The following RTKN2 variants were observed in gnomAD, a reference collection of about 807,000 sequenced individuals.
RTKN2 encodes the protein rhotekin 2, also known as rhotekin-2.
A neutral mutation model predicts 71.5 loss-of-function variants in RTKN2; 69 were observed. The ratio of observed to expected loss-of-function variants is 0.96; its 90% CI spans 0.79 to 1.18. RTKN2 has a LOEUF of 1.18. Among genes scored for constraint, RTKN2 ranks in the 50% most tolerant of loss-of-function variants. RTKN2 has a pLI of 0.00. For synonymous variants in RTKN2, 236 were observed against 236.5 expected, an observed-to-expected ratio of 1.00 and a Z score of 0.02; for missense variants, 724 against 719.7, an observed-to-expected ratio of 1.01 and a Z score of -0.07.
chr10:62,189,152 C>T (rs1395388034), downstream of RTKN2, among the ~76,000 whole-genome samples: 1 of 147,948 alleles, frequency 6.8e-6, no homozygotes, highest in Non-Finnish European at 1.5e-5. Context: ...ATTACCAATG[C>T]TTTGGGCTAG....
chr10:62,220,230 A>G (rs367546909), intron 7 of RTKN2, among the ~76,000 whole-genome samples: 2 of 152,232 alleles, frequency 1.3e-5, no homozygotes, highest in African/African-American at 4.8e-5. Flanking sequence ...CAATGTTCTG[A>G]GACTATTCAA....
chr10:62,243,247 C>A lies in RTKN2; in HGVS notation c.317-2052G>T, dbSNP rs372027271. 1.7e-3 allele frequency among the ~76,000 whole-genome samples: 251 copies of A among 149,788 alleles called. 8 individuals are homozygous for A. The South Asian group carries it at 0.053, about 31-fold the overall frequency. On this transcript the variant is annotated intron_variant, in intron 3 of 11. Transcript: ENST00000373789. ...ATTTTCAATAGTTTCATCTTTTATT[C>A]TTATTATTTTAGCTAGAACTTCTAA...
intron 7 of RTKN2, among the ~76,000 whole-genome samples, chr10:62,221,565 G>T (rs74726691): frequency 7.1e-6 from 1 of 140,858 alleles, no homozygotes; most frequent in Non-Finnish European, 1.5e-5. Context: ...ACAGTTTGAG[G>T]TAAAAGAAGA....
At chr10:62,190,727 G>A (rs1269547302), downstream of RTKN2, among the ~76,000 whole-genome samples, 1 of 152,066 alleles carries the variant, frequency 6.6e-6, no homozygotes, top group Non-Finnish European at 1.5e-5. Flanking sequence ...GGTAGCCAGG[G>A]GCTGAGTGCT....
rs1841320137 is a variant in RTKN2, at chr10:62,195,840, T to C, written c.*2068A>G. The C allele has an allele frequency of 2.0e-6, 2 of 985,450 alleles. No homozygotes were observed. The highest frequency in any genetic ancestry group is 2.4e-6 in the Non-Finnish European group (2 of 829,990). The allele number at this position is 985,450 out of a possible 1,614,324, so 61.0% of individuals were successfully genotyped here. On this transcript the variant is annotated 3_prime_UTR_variant, in exon 12 of 12. Transcript: ENST00000373789. ...AGGGGGTGGTGGTCCTTGCTCAGGC[T>C]TTTAAATGGTTCTAGGTAAAAAGGG...
At position 62,268,654 on chromosome 10, in the gene RTKN2, A is replaced by G. The variant is rs749728479; in HGVS notation, c.-44T>C. ...GGGCCGTCGCCACTCCTTCAAAGGGAAGATTTGAAAAGCCCGCCCCTGGCA... is the reference window on the plus strand; with the variant it reads ...GGGCCGTCGCCACTCCTTCAAAGGGGAGATTTGAAAAGCCCGCCCCTGGCA... On this transcript the variant is annotated 5_prime_UTR_variant, in exon 1 of 12. Coordinates refer to ENST00000373789, the MANE Select transcript of RTKN2 (RefSeq NM_145307.4). The G allele has an allele frequency of 6.5e-7, 1 of 1,533,028 alleles. No homozygotes were observed. The highest frequency in any genetic ancestry group is 8.8e-7 in the Non-Finnish European group (1 of 1,133,958). 95.0% of individuals were successfully genotyped at this position (1,533,028 alleles called of 1,614,324 possible). A position where few individuals can be genotyped will look rare whatever the true frequency, so the allele number is the denominator to read the frequency against.
At chr10:62,266,832 TG>T (rs1842877391) in intron 1 of RTKN2, among the ~76,000 whole-genome samples, 1 of 152,168 alleles carries the variant, frequency 6.6e-6, no homozygotes, top group South Asian at 2.1e-4. Flanking sequence ...GCTACAACGG[TG>T]GAAACTGAAA....
At chr10:62,185,464 A>C (rs1841119534) in intron 8 of RTKN2, among the ~76,000 whole-genome samples, 1 of 152,088 alleles carries the variant, frequency 6.6e-6, no homozygotes, top group East Asian at 1.9e-4. Context: ...AAAAATACAA[A>C]AATTAGCTGG....
Position 62,224,819 on chromosome 10 carries a change from T to C in RTKN2, c.687-1487A>G, listed in dbSNP as rs1244106091. On this transcript the variant is annotated intron_variant, in intron 6 of 11. Transcript: ENST00000373789. ...GAGTGAGTATCTGCAAAGGGAGGGC[T>C]GAAGGAAAACCAGTGTGGCTAGTGC... Among the ~76,000 whole-genome samples the C allele has an allele frequency of 2.6e-5, 4 of 151,986 alleles. No individual in the cohort carries two copies. The East Asian group carries it at 7.8e-4, about 30-fold the overall frequency.
At position 62,268,616 on chromosome 10, in the gene RTKN2, A is replaced by G. The variant is rs779957679; in HGVS notation, c.-6T>C. 7.0e-6 allele frequency: 11 copies of G among 1,560,336 alleles called. No homozygotes were observed. Among genetic ancestry groups the G allele is most frequent in the South Asian group, 5.9e-5 (5 of 84,646 alleles). On this transcript the variant is annotated 5_prime_UTR_variant, in exon 1 of 12. Coordinates refer to ENST00000373789, the MANE Select transcript of RTKN2 (RefSeq NM_145307.4). Reference sequence around the variant, plus strand: ...CTCAGGCTCGGCCCCTCCATCTCCAACGCGAACTGTCCGGGCCGTCGCCAC... The same window carrying G: ...CTCAGGCTCGGCCCCTCCATCTCCAGCGCGAACTGTCCGGGCCGTCGCCAC...
In RTKN2 at chr10:62,236,009, T is replaced by C. The variant is rs1250520769; in HGVS notation, c.686+57A>G. 5 of 1,260,144 alleles carry C rather than the reference T, an allele frequency of 4.0e-6. No individual in the cohort carries two copies. The African/African-American group carries it at 7.5e-5, about 19-fold the overall frequency. The allele number at this position is 1,260,144 out of a possible 1,614,324, so 78.1% of individuals were successfully genotyped here. ...TAAACATACACTTCACATATAATAC[T>C]TTAAAATATCACAAATGTATAATTA... is the stretch of plus-strand genomic sequence containing the variant. On this transcript the variant is annotated intron_variant, in intron 6 of 11. Coordinates refer to ENST00000373789, the MANE Select transcript of RTKN2 (RefSeq NM_145307.4).
chr10:62,245,890 G>T (rs547541753), intron 3 of RTKN2, 109 bp downstream of exon 3: 7 of 670,738 alleles, frequency 1.0e-5, no homozygotes, highest in African/African-American at 1.8e-5. Flanking sequence ...TCTGATAGAG[G>T]TATGAAAAAC....
intron 6 of RTKN2, among the ~76,000 whole-genome samples, chr10:62,223,627 T>C (rs1042980823): frequency 1.3e-5 from 2 of 152,080 alleles, no homozygotes; most frequent in Non-Finnish European, 2.9e-5. Context: ...CAATGAGATA[T>C]CAGTTCACAC....
At chr10:62,244,466 A>G (rs1842440393) in intron 3 of RTKN2, among the ~76,000 whole-genome samples, 1 of 152,182 alleles carries the variant, frequency 6.6e-6, no homozygotes, top group Non-Finnish European at 1.5e-5. Context: ...AATATTATGA[A>G]TTGCTACAAT....
At chr10:62,198,786 A>T (rs1260263032) in intron 11 of RTKN2, among the ~76,000 whole-genome samples, 1 of 152,158 alleles carries the variant, frequency 6.6e-6, no homozygotes, top group Non-Finnish European at 1.5e-5. Flanking sequence ...GTTTTCTAAA[A>T]AATTCTATAG....
At chr10:62,204,811 T>C (rs1411725916) in intron 10 of RTKN2, 46 bp downstream of exon 10, 4 of 1,400,658 alleles carry the variant, frequency 2.9e-6, no homozygotes, top group Non-Finnish European at 2.9e-6. Context: ...CACATCCTTT[T>C]AGGCTACATA....
chr10:62,231,591 C>T (rs1417345329), intron 6 of RTKN2, among the ~76,000 whole-genome samples: 1 of 152,096 alleles, frequency 6.6e-6, no homozygotes, highest in Non-Finnish European at 1.5e-5. Flanking sequence ...TTTTAGCCAA[C>T]CCTAATTTTG....
In RTKN2 at chr10:62,198,221, A is replaced by C; in HGVS notation, c.1517T>G (p.Leu506Arg). ...DEKGKKRQAP[L>R]PPSDKLPFSL... ...GAATGGAAGTTTATCAGAAGGAGGAAGGGGAGCTTGTCTCTTTTTCCCTTT... is the reference window on the plus strand; with the variant it reads ...GAATGGAAGTTTATCAGAAGGAGGACGGGGAGCTTGTCTCTTTTTCCCTTT... The change falls in exon 12 of 12, where the codon CTT (leucine) becomes CGT (arginine). Residue 506 changes from leucine to arginine, a missense_variant. Physicochemically the swap from Leu to Arg is moderately radical, Grantham distance 102. Transcript: ENST00000373789. The C allele has an allele frequency of 1.2e-6, 2 of 1,614,018 alleles. No homozygotes were observed. Among genetic ancestry groups the C allele is most frequent in the South Asian group, 1.1e-5 (1 of 91,074 alleles).
rs1841276524 is a variant in RTKN2, at chr10:62,194,119, G to C, written c.*3789C>G. 1 of 979,114 alleles carries C rather than the reference G, an allele frequency of 1.0e-6. No individual in the cohort carries two copies. The highest frequency in any genetic ancestry group is 1.8e-5 in the African/African-American group (1 of 57,098). 60.7% of individuals were successfully genotyped at this position (979,114 alleles called of 1,614,324 possible). A position where few individuals can be genotyped will look rare whatever the true frequency, so the allele number is the denominator to read the frequency against. ...TGATATAATACTTTTTAATCCAAAA[G>C]TCTGACCCATATTAAAAAATAAAAA... On this transcript the variant is annotated 3_prime_UTR_variant, in exon 12 of 12. Coordinates refer to ENST00000373789, the MANE Select transcript of RTKN2 (RefSeq NM_145307.4).
Sources: allele counts gnomAD v4.1 joint callset (sites outside exome capture counted in the v4.1 genomes callset), GRCh38; gene constraint gnomAD v4.1.1; transcripts MANE v1.5; gene names NCBI Gene and HGNC (gene_info 2026-07-23, HGNC 2026-07-21).